Variants in IGSF5 observed in about 807,000 individuals in gnomAD.
The protein encoded by IGSF5 is immunoglobulin superfamily member 5.
In IGSF5, 41 loss-of-function variants were observed where a neutral mutation model predicts 39.4. That is an observed-to-expected ratio of 1.04 (90% CI 0.81 to 1.35). IGSF5 has a LOEUF of 1.35. Ranked by LOEUF, IGSF5 falls within the 40% of genes most tolerant of loss-of-function variation. The probability of loss-of-function intolerance (pLI) is 0.00; values close to 1 mark genes in which losing one functional copy is unlikely to be tolerated. For synonymous variants in IGSF5, 183 were observed against 175.3 expected, an observed-to-expected ratio of 1.04 and a Z score of -0.34; for missense variants, 487 against 494.6, an observed-to-expected ratio of 0.98 and a Z score of 0.15.
At chr21:39,741,955 T>C (rs2079950458), upstream of IGSF5, among the ~76,000 whole-genome samples, 1 of 152,138 alleles carries the variant, frequency 6.6e-6, no homozygotes. Context: ...CAGGGGCTAC[T>C]GTATGGTTTT....
At chr21:39,776,774 G>A (rs1400456158) in intron 4 of IGSF5, among the ~76,000 whole-genome samples, 1 of 152,222 alleles carries the variant, frequency 6.6e-6, no homozygotes, top group African/African-American at 2.4e-5. Flanking sequence ...TACTGATAGA[G>A]AGTGTGTGAG....
At chr21:39,799,103 T>A (rs1486360586) in intron 8 of IGSF5, among the ~76,000 whole-genome samples, 1 of 152,158 alleles carries the variant, frequency 6.6e-6, no homozygotes, top group Non-Finnish European at 1.5e-5. Flanking sequence ...GTCCCCAGGC[T>A]GCCTGGAGCT....
chr21:39,772,975 TA>T (rs1342407632), intron 4 of IGSF5, among the ~76,000 whole-genome samples: 1 of 152,192 alleles, frequency 6.6e-6, no homozygotes, highest in Non-Finnish European at 1.5e-5. Flanking sequence ...TACAATTTTT[TA>T]AAAAAACTTT....
the IGSF5 span, among the ~76,000 whole-genome samples, chr21:39,728,536 C>G: frequency 6.6e-6 from 1 of 152,198 alleles, no homozygotes; most frequent in African/African-American, 2.4e-5. Flanking sequence ...GAACAAGTTT[C>G]TGTTGTTTGA....
At chr21:39,719,260 C>T in the IGSF5 span, among the ~76,000 whole-genome samples, 2 of 152,292 alleles carry the variant, frequency 1.3e-5, no homozygotes, top group South Asian at 2.1e-4. Context: ...CCTCAGCCTC[C>T]CGTGTAGCTG....
At chr21:39,750,917 C>A (rs1602364780) in intron 2 of IGSF5, among the ~76,000 whole-genome samples, 1 of 152,288 alleles carries the variant, frequency 6.6e-6, no homozygotes, top group East Asian at 1.9e-4. Flanking sequence ...AGGGCGGGAG[C>A]TGAGCAGTGC....
At chr21:39,765,434 A>C in intron 2 of IGSF5, 101 bp from the exon 3 acceptor site, 1 of 1,048,344 alleles carries the variant, frequency 9.5e-7, no homozygotes, top group South Asian at 1.5e-5. Context: ...CTGGATGGAC[A>C]ACCTGGGGGT....
chr21:39,779,449 G>C, intron 5 of IGSF5, 144 bp downstream of exon 5: 1 of 1,087,112 alleles, frequency 9.2e-7, no homozygotes, highest in Non-Finnish European at 1.3e-6. Flanking sequence ...GTTGCACACT[G>C]TTGGTGGGAT....
rs1010520774 is a variant in IGSF5 at position 39,746,261 on chromosome 21, G to A, written c.63G>A (p.Ala21=). ...TLPDLEEWKS[A]AGLRWWQTAV... is the part of the protein sequence containing the mutation. ...CGGATCTGGAGGAATGGAAGTCAGC[G>A]GCGGGTCTGCGATGGTGGCAAACAG... Residue 21 remains alanine, a synonymous_variant, in exon 2 of 9, where the codon GCG becomes GCA. Coordinates refer to ENST00000380588, the MANE Select transcript of IGSF5 (RefSeq NM_001080444.2). The A allele has an allele frequency of 1.9e-5, 13 of 701,700 alleles. No individual in the cohort carries two copies. Among genetic ancestry groups the A allele is most frequent in the East Asian group, 1.1e-4 (4 of 37,276 alleles). 43.5% of individuals were successfully genotyped at this position (701,700 alleles called of 1,614,324 possible).
the IGSF5 span, among the ~76,000 whole-genome samples, chr21:39,738,193 G>T: frequency 2.6e-5 from 4 of 152,184 alleles, no homozygotes; most frequent in African/African-American, 9.7e-5. The surrounding 1 kb of genome is among the most constrained non-coding windows in gnomAD (Gnocchi z 6.4). Context: ...ACAGTTCCAG[G>T]GGGCTGGGGA....
At chr21:39,793,322 T>G (rs16998519) in intron 7 of IGSF5, among the ~76,000 whole-genome samples, 13,319 of 152,270 alleles carry the variant, frequency 0.087, 622 homozygotes, top group South Asian at 0.16. Context: ...AGAAATGGAT[T>G]TTGAGTTAGT....
chr21:39,768,805 G>A (rs2080099326), intron 3 of IGSF5, among the ~76,000 whole-genome samples: 2 of 152,166 alleles, frequency 1.3e-5, no homozygotes, highest in Non-Finnish European at 2.9e-5. Context: ...TATTCAGGAA[G>A]GAATAATTGG....
intron 8 of IGSF5, among the ~76,000 whole-genome samples, chr21:39,799,385 G>T (rs956768050): frequency 1.4e-4 from 21 of 152,300 alleles, no homozygotes; most frequent in Non-Finnish European, 2.4e-4. Flanking sequence ...AACACACTGG[G>T]TTCTTGTTAA....
chr21:39,795,132 C>T (rs16998529), intron 8 of IGSF5, among the ~76,000 whole-genome samples: 5,882 of 152,246 alleles, frequency 0.039, 402 homozygotes, highest in African/African-American at 0.13. Context: ...CAGTGACTTT[C>T]CTCAGGCCGG....
intron 3 of IGSF5, 99 bp from the exon 4 acceptor site, chr21:39,770,817 T>C (rs1233223272): frequency 1.6e-5 from 15 of 918,624 alleles, no homozygotes; most frequent in Admixed American, 3.9e-5. Flanking sequence ...AAAATGTAAT[T>C]TGAAGCAAAA....
the IGSF5 span, among the ~76,000 whole-genome samples, chr21:39,718,286 T>C: frequency 2.0e-5 from 3 of 152,186 alleles, no homozygotes; most frequent in Admixed American, 6.5e-5. Context: ...AACCATGTCA[T>C]CTACAAAAAG....
At chr21:39,738,363 T>A in the IGSF5 span, among the ~76,000 whole-genome samples, 7 of 152,184 alleles carry the variant, frequency 4.6e-5, no homozygotes, top group Non-Finnish European at 8.8e-5. The surrounding 1 kb of genome is among the most constrained non-coding windows in gnomAD (Gnocchi z 6.4). Context: ...CAACAGCCGC[T>A]TGATTCAATT....
intron 5 of IGSF5, among the ~76,000 whole-genome samples, chr21:39,785,375 G>A (rs549513032): frequency 1.3e-5 from 2 of 152,166 alleles, no homozygotes; most frequent in South Asian, 2.1e-4. Flanking sequence ...GTAGATATGC[G>A]GTGTTATTTC....
At chr21:39,740,622 C>A (rs887565251), upstream of IGSF5, among the ~76,000 whole-genome samples, 2 of 152,150 alleles carry the variant, frequency 1.3e-5, no homozygotes, top group African/African-American at 4.8e-5. Context: ...AGTCCTTTTT[C>A]TACAAAGGAT....
Sources: allele counts gnomAD v4.1 joint callset (sites outside exome capture counted in the v4.1 genomes callset), GRCh38; gene constraint gnomAD v4.1.1; non-coding constraint Gnocchi (gnomAD v3.1); transcripts MANE v1.5; gene names NCBI Gene and HGNC (gene_info 2026-07-23, HGNC 2026-07-21).